FUT9: variants seen among roughly 807,000 people sequenced by gnomAD.
FUT9 encodes 4-galactosyl-N-acetylglucosaminide 3-alpha-L-fucosyltransferase 9.
A neutral mutation model predicts 29.7 loss-of-function variants in FUT9; 15 were observed. The ratio of observed to expected loss-of-function variants is 0.51; its 90% CI spans 0.34 to 0.78. FUT9 has a LOEUF of 0.78. Among genes scored for constraint, FUT9 ranks in the 30% least tolerant of loss-of-function variants. The probability of loss-of-function intolerance (pLI) is 0.01; values close to 1 mark genes in which losing one functional copy is unlikely to be tolerated. For synonymous variants in FUT9, 169 were observed against 153.7 expected (o/e 1.10, Z -0.74); for missense variants, 319 against 425.4 (o/e 0.75, Z 2.20).
intron 1 of FUT9, among the ~76,000 whole-genome samples, chr6:96,047,708 C>T (rs547518467): frequency 5.9e-5 from 9 of 152,026 alleles, no homozygotes; most frequent in South Asian, 2.1e-4. Flanking sequence ...ACAAGGGTTA[C>T]GATAGAAAAA....
At position 96,208,111 on chromosome 6, in the gene FUT9, T is replaced by C. The variant is rs1366134630; in HGVS notation, c.*3876T>C. 4 of 166,950 alleles carry C rather than the reference T, an allele frequency of 2.4e-5. No homozygotes were observed. The highest frequency in any genetic ancestry group is 4.1e-4 in the South Asian group (2 of 4,826). 10.3% of individuals were successfully genotyped at this position (166,950 alleles called of 1,614,324 possible). Reference sequence around the variant, plus strand: ...CTTAGAAAGCTCAGCGCATTTGATGTATAAAGCAACAGAATATTTAGGAAT... The same window carrying C: ...CTTAGAAAGCTCAGCGCATTTGATGCATAAAGCAACAGAATATTTAGGAAT... On this transcript the variant is annotated 3_prime_UTR_variant, in exon 3 of 3. Coordinates refer to ENST00000302103, the MANE Select transcript of FUT9 (RefSeq NM_006581.4).
At position 96,062,878 on chromosome 6, in the gene FUT9, C is replaced by G. The variant is rs530116250; in HGVS notation, c.-98+46666C>G. Among the ~76,000 whole-genome samples, 8 of 152,098 alleles carry G rather than the reference C, an allele frequency of 5.3e-5. No homozygotes were observed. In the East Asian group the frequency reaches 1.4e-3, roughly 26 times the overall value. ...AAAGATCAAAAACAACAAAAAAGTG[C>G]CTTCAGTTAAATGATCTCTTTTAAT... On this transcript the variant is annotated intron_variant, in intron 1 of 2. Transcript: ENST00000302103.
intron 1 of FUT9, among the ~76,000 whole-genome samples, chr6:96,023,342 A>G (rs1326364528): frequency 2.6e-5 from 4 of 151,934 alleles, no homozygotes; most frequent in Non-Finnish European, 5.9e-5. Flanking sequence ...TGGTTGATAG[A>G]AGTGTGATAA....
At chr6:96,018,790 A>C (rs1770022038) in intron 1 of FUT9, among the ~76,000 whole-genome samples, 1 of 152,066 alleles carries the variant, frequency 6.6e-6, no homozygotes, top group African/African-American at 2.4e-5. Context: ...GAAGAGAAAG[A>C]ATGGTTAAGG....
intron 2 of FUT9, among the ~76,000 whole-genome samples, chr6:96,174,904 T>C (rs1280789398): frequency 6.6e-6 from 1 of 152,156 alleles, no homozygotes; most frequent in Non-Finnish European, 1.5e-5. Context: ...ATGCAATCCA[T>C]TTCATATATG....
At chr6:96,112,471 T>C (rs1029644018) in intron 1 of FUT9, among the ~76,000 whole-genome samples, 1 of 152,162 alleles carries the variant, frequency 6.6e-6, no homozygotes, top group Admixed American at 6.5e-5. Flanking sequence ...AATATCAAAA[T>C]ATAAGGGTGA....
At chr6:96,041,857 G>GT (rs1770467077) in intron 1 of FUT9, among the ~76,000 whole-genome samples, 1 of 152,058 alleles carries the variant, frequency 6.6e-6, no homozygotes, top group South Asian at 2.1e-4. Flanking sequence ...GAAGGGTAGT[G>GT]TTTTTTCTGT....
At chr6:96,120,778 G>T (rs1216983605) in intron 2 of FUT9, among the ~76,000 whole-genome samples, 1 of 151,116 alleles carries the variant, frequency 6.6e-6, no homozygotes, top group African/African-American at 2.4e-5. Flanking sequence ...TATGGGAGAT[G>T]CTCCAGAGCT....
intron 2 of FUT9, among the ~76,000 whole-genome samples, chr6:96,136,823 A>C (rs1264194323): frequency 6.6e-6 from 1 of 152,018 alleles, no homozygotes; most frequent in African/African-American, 2.4e-5. Context: ...GGCTACTCTC[A>C]AACCAAATGC....
chr6:96,151,888 G>A (rs534889821), intron 2 of FUT9, among the ~76,000 whole-genome samples: 1 of 152,252 alleles, frequency 6.6e-6, no homozygotes, highest in East Asian at 1.9e-4. Flanking sequence ...GATTTCTCAA[G>A]CTCCATAATT....
chr6:96,071,578 G>A (rs145177618), intron 1 of FUT9, among the ~76,000 whole-genome samples: 14 of 152,122 alleles, frequency 9.2e-5, no homozygotes, highest in Admixed American at 3.3e-4. Flanking sequence ...CTTAAATGTC[G>A]TTTTAGTGAA....
chr6:96,070,484 G>A (rs4840212), intron 1 of FUT9, among the ~76,000 whole-genome samples: 84,058 of 151,940 alleles, frequency 0.55, 23,382 homozygotes, highest in South Asian at 0.64. Context: ...TCAGGAGTAC[G>A]AGACCAGCCT....
At chr6:96,165,310 A>G (rs1562148842) in intron 2 of FUT9, among the ~76,000 whole-genome samples, 1 of 151,900 alleles carries the variant, frequency 6.6e-6, no homozygotes, top group Non-Finnish European at 1.5e-5. Flanking sequence ...GGGCACCTGT[A>G]ATCCCAGCTA....
chr6:96,132,181 TTTG>T (rs1190233849), intron 2 of FUT9, among the ~76,000 whole-genome samples: 2 of 150,268 alleles, frequency 1.3e-5, no homozygotes, highest in Non-Finnish European at 3.0e-5. Context: ...TTTGATATTA[TTTG>T]TTTTTTTAAT....
intron 2 of FUT9, 117 bp downstream of exon 2, chr6:96,114,244 A>G (rs1771869649): frequency 1.3e-5 from 2 of 152,140 alleles, no homozygotes; most frequent in African/African-American, 4.8e-5. Flanking sequence ...CATCCAAGTT[A>G]CAGAATAATT....
intron 1 of FUT9, among the ~76,000 whole-genome samples, chr6:96,041,620 C>A (rs1770462431): frequency 6.6e-6 from 1 of 152,124 alleles, no homozygotes; most frequent in African/African-American, 2.4e-5. Context: ...TGAGGTGATA[C>A]ATTTAGCTGT....
intron 2 of FUT9, among the ~76,000 whole-genome samples, chr6:96,120,679 A>G (rs6913106): frequency 0.92 from 130,601 of 142,616 alleles, 60,669 homozygotes; most frequent in East Asian, 1. Flanking sequence ...AAATATTTGC[A>G]GTTTTGACTT....
At chr6:96,173,860 A>AAATGTGAC (rs1399307210) in intron 2 of FUT9, among the ~76,000 whole-genome samples, 1 of 152,132 alleles carries the variant, frequency 6.6e-6, no homozygotes, top group East Asian at 1.9e-4. Flanking sequence ...ATTTTAAATT[A>AAATGTGAC]AATGTGACAG....
chr6:96,190,894 T>G (rs1773495150), intron 2 of FUT9, among the ~76,000 whole-genome samples: 1 of 152,184 alleles, frequency 6.6e-6, no homozygotes, highest in African/African-American at 2.4e-5. Flanking sequence ...TCTGAAGCCT[T>G]CTTCTCTCAA....
Sources: gnomAD v4.1 joint callset for allele counts (sites outside exome capture counted in the v4.1 genomes callset) on GRCh38, gnomAD v4.1.1 for gene constraint, MANE v1.5 for transcripts, NCBI Gene and HGNC (gene_info 2026-07-23, HGNC 2026-07-21) for gene names.